Variants in NUP98 observed in about 807,000 individuals in gnomAD.
NUP98 encodes nuclear pore complex protein Nup98-Nup96.
Under a neutral mutation model 191.9 loss-of-function variants are expected in NUP98, and 26 were observed. The ratio of observed to expected loss-of-function variants is 0.14; its 90% CI spans 0.10 to 0.19. The LOEUF (loss-of-function observed/expected upper bound fraction) is 0.19, where lower values mean the gene tolerates loss of function less well. Ranked by LOEUF, NUP98 falls within the 10% of genes least tolerant of loss-of-function variation. The probability of loss-of-function intolerance (pLI) is 1.00; values close to 1 mark genes in which losing one functional copy is unlikely to be tolerated. For synonymous variants in NUP98, 808 were observed against 778.4 expected, an observed-to-expected ratio of 1.04 and a Z score of -0.63; for missense variants, 1,941 against 2,178.8, an observed-to-expected ratio of 0.89 and a Z score of 2.17.
intron 21 of NUP98, among the ~76,000 whole-genome samples, chr11:3,706,069 T>TG (rs1007733005): frequency 2.7e-5 from 4 of 150,562 alleles, no homozygotes; most frequent in African/African-American, 9.8e-5. Context: ...CACAGGAGGT[T>TG]GGGGCAGGGG....
chr11:3,791,447 T>A (rs2082344541), intron 1 of NUP98, among the ~76,000 whole-genome samples: 1 of 140,878 alleles, frequency 7.1e-6, no homozygotes. Flanking sequence ...GACAGGAGAA[T>A]CAGTGGAACC....
chr11:3,788,141 T>A (rs1050297977), intron 1 of NUP98, among the ~76,000 whole-genome samples: 5 of 152,176 alleles, frequency 3.3e-5, no homozygotes, highest in African/African-American at 4.8e-5. Flanking sequence ...GTAAAAAAAA[T>A]GTCTTGACTT....
intron 30 of NUP98, among the ~76,000 whole-genome samples, chr11:3,681,477 G>C (rs2077981929): frequency 6.6e-6 from 1 of 152,210 alleles, no homozygotes; most frequent in Admixed American, 6.5e-5. Context: ...CTTGAAAGCT[G>C]AATTACTCCT....
At chr11:3,785,713 C>CG (rs2082121043) in intron 1 of NUP98, among the ~76,000 whole-genome samples, 1 of 152,116 alleles carries the variant, frequency 6.6e-6, no homozygotes, top group Admixed American at 6.6e-5. Context: ...TAGTTGAGAT[C>CG]GTGCCACTGC....
chr11:3,761,931 G>A (rs968882753), intron 9 of NUP98, among the ~76,000 whole-genome samples: 14 of 152,020 alleles, frequency 9.2e-5, no homozygotes, highest in Admixed American at 7.9e-4. Context: ...ACAACAGAAC[G>A]AGACTCGGTT....
intron 30 of NUP98, among the ~76,000 whole-genome samples, chr11:3,682,425 T>C (rs969039338): frequency 2.5e-4 from 38 of 152,350 alleles, no homozygotes; most frequent in African/African-American, 8.7e-4. Context: ...TGTGCTACCC[T>C]TCCTTTCACT....
chr11:3,699,921 CA>C, intron 24 of NUP98, among the ~76,000 whole-genome samples: 1 of 152,118 alleles, frequency 6.6e-6, no homozygotes, highest in East Asian at 1.9e-4. Flanking sequence ...ACCCCTTTAT[CA>C]AAGTATTGAT....
chr11:3,700,836 T>G lies in NUP98; in HGVS notation c.3516A>C (p.Leu1172=). The change falls in exon 24 of 33, where the codon CTA becomes CTC. Residue 1172 remains leucine, a synonymous_variant. Coordinates refer to ENST00000324932, the MANE Select transcript of NUP98 (RefSeq NM_016320.5). ...FLPNPVAVKP[L]TESPFKVHLE... Reference sequence around the variant, plus strand: ...AGTGAACTTTGAATGGGGACTCAGTTAGGCTACAAGAGCAAATGAGGAATA... The same window carrying G: ...AGTGAACTTTGAATGGGGACTCAGTGAGGCTACAAGAGCAAATGAGGAATA... 6.2e-7 allele frequency: 1 copy of G among 1,611,298 alleles called. No homozygotes were observed. The highest frequency in any genetic ancestry group is 8.5e-7 in the Non-Finnish European group (1 of 1,177,820).
intron 27 of NUP98, among the ~76,000 whole-genome samples, chr11:3,691,811 C>T (rs545858045): frequency 6.6e-6 from 1 of 152,266 alleles, no homozygotes; most frequent in African/African-American, 2.4e-5. Flanking sequence ...GCCTTAGCCT[C>T]CCAAAGTGCT....
intron 4 of NUP98, 138 bp from the exon 5 acceptor site, chr11:3,776,159 T>G (rs943503579): frequency 4.8e-6 from 3 of 622,500 alleles, no homozygotes; most frequent in Admixed American, 6.0e-5. Flanking sequence ...TCTTGCTCTG[T>G]CTCCTAGGAT....
intron 11 of NUP98, among the ~76,000 whole-genome samples, chr11:3,746,294 A>AAAAAG (rs144936005): frequency 0.13 from 11,469 of 89,336 alleles, 1,702 homozygotes; most frequent in Non-Finnish European, 0.16. Flanking sequence ...AAAAAAAAAA[A>AAAAAG]GACAGCTTTG....
chr11:3,747,349 T>C (rs1302767618), intron 11 of NUP98, among the ~76,000 whole-genome samples: 1 of 152,248 alleles, frequency 6.6e-6, no homozygotes, highest in Non-Finnish European at 1.5e-5. Flanking sequence ...GATTTTTCTA[T>C]GTCTCTCTTA....
Position 3,723,332 on chromosome 11 carries a change from A to G in NUP98, c.1971T>C (p.Ala657=), listed in dbSNP as rs2079480606. 5.6e-6 allele frequency: 9 copies of G among 1,614,018 alleles called. No homozygotes were observed. The highest frequency in any genetic ancestry group is 7.6e-6 in the Non-Finnish European group (9 of 1,180,016). ...TGTTGCTGTTGCTGTGTTTATTTCC[A>G]GCACTTTCTGGGGTTTGAGGAATAG... The part of the protein sequence containing the change: ...AKPIPQTPES[A]GNKHSNSNSV... Residue 657 remains alanine, a synonymous_variant, in exon 16 of 33, where the codon GCT becomes GCC. Coordinates refer to ENST00000324932, the MANE Select transcript of NUP98 (RefSeq NM_016320.5).
chr11:3,687,959 G>C (rs2078179082), intron 28 of NUP98, among the ~76,000 whole-genome samples: 1 of 152,164 alleles, frequency 6.6e-6, no homozygotes, highest in South Asian at 2.1e-4. Context: ...ACATGACAAA[G>C]TGCTCAACAT....
intron 18 of NUP98, among the ~76,000 whole-genome samples, chr11:3,716,718 C>T (rs1165867439): frequency 1.3e-5 from 2 of 151,920 alleles, no homozygotes; most frequent in Non-Finnish European, 2.9e-5. Context: ...AAAAATCATT[C>T]GACTATATAG....
chr11:3,764,846 G>A (rs2081286057), intron 8 of NUP98, among the ~76,000 whole-genome samples: 1 of 152,206 alleles, frequency 6.6e-6, no homozygotes, highest in Non-Finnish European at 1.5e-5. Flanking sequence ...CCAAAGTGCT[G>A]GGATTAAAGG....
At chr11:3,686,245 A>T in intron 28 of NUP98, 51 bp from the exon 29 acceptor site, 1 of 1,516,544 alleles carries the variant, frequency 6.6e-7, no homozygotes, top group Non-Finnish European at 9.2e-7. Flanking sequence ...GACGGCCTGG[A>T]CTGATATGTC....
intron 12 of NUP98, among the ~76,000 whole-genome samples, chr11:3,743,624 G>A (rs1847956283): frequency 7.1e-6 from 1 of 140,410 alleles, no homozygotes; most frequent in African/African-American, 2.7e-5. Context: ...TCCAGCCTGG[G>A]CAACAGAGTG....
chr11:3,731,124 C>T (rs562224499), intron 14 of NUP98, among the ~76,000 whole-genome samples: 6 of 152,074 alleles, frequency 3.9e-5, no homozygotes, highest in Admixed American at 2.0e-4. Context: ...ATTAGCTGGG[C>T]GTGATGGCAC....
Sources: gnomAD v4.1 joint callset for allele counts (sites outside exome capture counted in the v4.1 genomes callset) on GRCh38, gnomAD v4.1.1 for gene constraint, MANE v1.5 for transcripts, NCBI Gene and HGNC (gene_info 2026-07-23, HGNC 2026-07-21) for gene names.